The following CDHR3 variants were observed in gnomAD, a reference collection of about 807,000 sequenced individuals.
CDHR3 encodes cadherin related family member 3.
CDHR3 carries 79 observed loss-of-function variants against 86.6 expected under a neutral mutation model. That is an observed-to-expected ratio of 0.91 (90% confidence interval 0.76 to 1.10). The LOEUF is 1.10. Ranked by LOEUF, CDHR3 falls within the 50% of genes least tolerant of loss-of-function variation. The pLI is 0.00. For synonymous variants in CDHR3, 421 were observed against 402.4 expected (o/e 1.05, Z -0.55); for missense variants, 1,081 against 1,077.6 (o/e 1.00, Z -0.04).
At chr7:106,007,160 G>A (rs1834051462) in intron 8 of CDHR3, among the ~76,000 whole-genome samples, 1 of 152,176 alleles carries the variant, frequency 6.6e-6, no homozygotes, top group South Asian at 2.1e-4. Flanking sequence ...AAGTCCCTAG[G>A]CTGCACACAA....
chr7:105,967,050 A>G (rs1268486664), intron 1 of CDHR3, among the ~76,000 whole-genome samples: 1 of 151,784 alleles, frequency 6.6e-6, no homozygotes, highest in Non-Finnish European at 1.5e-5. Flanking sequence ...GGTGTGCTGC[A>G]CTCATTAACT....
At chr7:105,974,694 G>A (rs911135145) in intron 1 of CDHR3, 150 bp from the exon 2 acceptor site, 1 of 634,932 alleles carries the variant, frequency 1.6e-6, no homozygotes, top group African/African-American at 1.8e-5. Flanking sequence ...TACATTGCCA[G>A]CACTTGGCAA....
intron 3 of CDHR3, among the ~76,000 whole-genome samples, chr7:105,983,308 G>A (rs541000612): frequency 6.6e-6 from 1 of 152,250 alleles, no homozygotes; most frequent in South Asian, 2.1e-4. Context: ...GAAAGCTCAA[G>A]CTCAGATGTA....
At chr7:106,028,652 C>T in intron 17 of CDHR3, 70 bp downstream of exon 17, 1 of 1,549,424 alleles carries the variant, frequency 6.5e-7, no homozygotes, top group Non-Finnish European at 8.9e-7. Flanking sequence ...CCCCCGAAGG[C>T]AGGCCTGCCA....
chr7:106,013,497 G>A (rs765921706), intron 9 of CDHR3, among the ~76,000 whole-genome samples: 5 of 152,128 alleles, frequency 3.3e-5, no homozygotes, highest in Non-Finnish European at 7.4e-5. Flanking sequence ...CCCCCTCCCT[G>A]GCAACTTCAA....
chr7:105,988,357 G>A (rs1830832139), intron 4 of CDHR3, among the ~76,000 whole-genome samples: 1 of 152,154 alleles, frequency 6.6e-6, no homozygotes, highest in Non-Finnish European at 1.5e-5. Flanking sequence ...AAGAACCACT[G>A]GACTGAACAA....
At chr7:105,989,560 A>G (rs925428243) in intron 4 of CDHR3, among the ~76,000 whole-genome samples, 3 of 152,216 alleles carry the variant, frequency 2.0e-5, no homozygotes, top group Non-Finnish European at 2.9e-5. Context: ...AGCAGGGGCC[A>G]TCCTTCTCTT....
intron 12 of CDHR3, among the ~76,000 whole-genome samples, chr7:106,020,000 G>C (rs575403843): frequency 6.6e-6 from 1 of 152,302 alleles, no homozygotes; most frequent in East Asian, 1.9e-4. Context: ...AAACAACTCG[G>C]TGTCATCTGC....
rs1477505176 is a variant in CDHR3 at position 105,963,293 on chromosome 7, A to G, written c.-26A>G. 3 of 1,612,836 alleles carry G rather than the reference A, an allele frequency of 1.9e-6. No homozygotes were observed. The highest frequency in any genetic ancestry group is 1.7e-5 in the Admixed American group (1 of 60,022). ...TTCAGGCTGTGGCTAATGTGCTGGA[A>G]GCACGCACAGTTGTGACCATCAAGT... On this transcript the variant is annotated 5_prime_UTR_variant, in exon 1 of 19. Transcript: ENST00000317716.
Position 106,033,417 on chromosome 7 carries a change from T to C in CDHR3, c.*720T>C, listed in dbSNP as rs1039763988. On this transcript the variant is annotated 3_prime_UTR_variant, in exon 19 of 19. Transcript: ENST00000317716. ...TATTCTACACTTGGGTGGCAGCTGC[T>C]TCAGATTTTTTACTTTTAAAAAATA... The C allele has an allele frequency of 1.3e-5, 2 of 152,226 alleles. No homozygotes were observed. Among genetic ancestry groups the C allele is most frequent in the Non-Finnish European group, 2.9e-5 (2 of 68,038 alleles). 9.4% of individuals were successfully genotyped at this position (152,226 alleles called of 1,614,324 possible).
rs559079966 is a variant in CDHR3 at position 106,001,465 on chromosome 7, G to A, written c.717G>A (p.Pro239=). The change falls in exon 7 of 19, where the codon CCG becomes CCA. Residue 239 remains proline, a synonymous_variant. Transcript: ENST00000317716. ...LNDEVPRFTS[P]TRVYTVLEEL... is the part of the protein sequence containing the mutation. ...GTCTGCTGTATCTCTGTTCCAGCCC[G>A]ACACGAGTGTACACAGTCCTGGAGG... 2.1e-5 allele frequency: 34 copies of A among 1,613,462 alleles called. No homozygotes were observed. The highest frequency in any genetic ancestry group is 1.2e-4 in the Admixed American group (7 of 59,990).
intron 6 of CDHR3, among the ~76,000 whole-genome samples, chr7:105,997,330 G>C (rs1245206890): frequency 3.3e-5 from 5 of 152,192 alleles, no homozygotes; most frequent in Non-Finnish European, 4.4e-5. Context: ...CCAGTTGCAG[G>C]TGTCAAAGAA....
intron 4 of CDHR3, among the ~76,000 whole-genome samples, chr7:105,994,456 T>C (rs1188204122): frequency 6.6e-6 from 1 of 152,094 alleles, no homozygotes; most frequent in Admixed American, 6.5e-5. Flanking sequence ...ATAAGAAGAT[T>C]GGACTCAGAA....
rs141106968 is a variant in CDHR3, at chr7:106,022,202, C to T, written c.1830C>T (p.Asn610=). ...CCTGCATCAAATCTCATTTAGGTAA[C>T]GTCAACAATCATTTCACCTTCTCTC... ...RSFRYSIGPG[N]VNNHFTFSPN... is the part of the protein sequence containing the mutation. Residue 610 remains asparagine, a synonymous_variant, in exon 14 of 19, where the codon AAC becomes AAT. Transcript: ENST00000317716. The T allele has an allele frequency of 2.0e-5, 33 of 1,613,976 alleles. No homozygotes were observed. In the Middle Eastern group the frequency reaches 1.6e-3, roughly 81 times the overall value.
intron 9 of CDHR3, among the ~76,000 whole-genome samples, chr7:106,014,243 G>A (rs1451777705): frequency 6.6e-6 from 1 of 152,160 alleles, no homozygotes; most frequent in African/African-American, 2.4e-5. Flanking sequence ...GCCTGCATAT[G>A]AATTTTAGAT....
rs1472662321 is a variant in CDHR3, at chr7:106,036,275, TTTTAC to T, written c.*3581_*3585del. 1 of 152,192 alleles carries T rather than the reference TTTTAC, an allele frequency of 6.6e-6. No individual in the cohort carries two copies. The highest frequency in any genetic ancestry group is 1.5e-5 in the Non-Finnish European group (1 of 68,024). 9.4% of individuals were successfully genotyped at this position (152,192 alleles called of 1,614,324 possible). A position where few individuals can be genotyped will look rare whatever the true frequency, so the allele number is the denominator to read the frequency against. ...CATCTGGGGTTCTCATTGTTTGCCT[TTTTAC>T]TTAATGTATTTTGTAATGGCTGTGA... On this transcript the variant is annotated 3_prime_UTR_variant, in exon 19 of 19. Transcript: ENST00000317716.
chr7:105,975,136 C>A, intron 2 of CDHR3, 90 bp downstream of exon 2: 1 of 1,101,584 alleles, frequency 9.1e-7, no homozygotes, highest in Non-Finnish European at 1.4e-6. Flanking sequence ...GTGATTAATT[C>A]CTCCATCTGG....
chr7:106,008,132 A>G (rs946007649), intron 8 of CDHR3, among the ~76,000 whole-genome samples: 5 of 152,142 alleles, frequency 3.3e-5, no homozygotes, highest in Admixed American at 1.3e-4. Flanking sequence ...CCATGATTCA[A>G]TTTCCTCCTA....
intron 7 of CDHR3, among the ~76,000 whole-genome samples, chr7:106,002,165 G>A (rs1224309261): frequency 6.6e-6 from 1 of 152,024 alleles, no homozygotes; most frequent in Non-Finnish European, 1.5e-5. Context: ...GATGGGTGGG[G>A]GGCAGTGAAG....
Sources: gnomAD v4.1 joint callset for allele counts (sites outside exome capture counted in the v4.1 genomes callset) on GRCh38, gnomAD v4.1.1 for gene constraint, MANE v1.5 for transcripts, NCBI Gene and HGNC (gene_info 2026-07-23, HGNC 2026-07-21) for gene names.